The following MET variants were observed in gnomAD, a reference collection of about 807,000 sequenced individuals.
MET encodes hepatocyte growth factor receptor.
A neutral mutation model predicts 133.1 loss-of-function variants in MET; 48 were observed. The observed-to-expected ratio is 0.36, with a 90% CI of 0.29 to 0.46. The LOEUF (loss-of-function observed/expected upper bound fraction) is 0.46, where lower values mean the gene tolerates loss of function less well. Among genes scored for constraint, MET ranks in the 20% least tolerant of loss-of-function variants. The pLI is 1.00. For missense variants in MET, 1,442 were observed against 1,695.9 expected (o/e 0.85, Z 2.63); for synonymous variants, 628 against 616.5 (o/e 1.02, Z -0.28).
chr7:116,698,576 T>G (rs964307818), intron 1 of MET, among the ~76,000 whole-genome samples: 2 of 152,224 alleles, frequency 1.3e-5, no homozygotes, highest in African/African-American at 4.8e-5. Flanking sequence ...GGAAGCTAAA[T>G]TTAGCCTAGT....
intron 5 of MET, among the ~76,000 whole-genome samples, chr7:116,742,931 C>T (rs531565724): frequency 1.3e-5 from 2 of 152,280 alleles, no homozygotes; most frequent in South Asian, 4.1e-4. Context: ...AAGACAGACT[C>T]GAGGTGGGTG....
Position 116,798,134 on chromosome 7 carries a change from G to T in MET, c.*2010G>T. On this transcript the variant is annotated 3_prime_UTR_variant, in exon 21 of 21. Transcript: ENST00000397752. ...AACGCATCAATAGAAAGAACTCGGG[G>T]AAACATCCCATCAACAGGACTACAC... 4.5e-6 allele frequency: 1 copy of T among 219,868 alleles called. No homozygotes were observed. Among genetic ancestry groups the T allele is most frequent in the African/African-American group, 2.2e-5 (1 of 44,658 alleles). 13.6% of individuals were successfully genotyped at this position (219,868 alleles called of 1,614,324 possible).
chr7:116,696,632 C>T (rs1291249936), intron 1 of MET, among the ~76,000 whole-genome samples: 1 of 152,204 alleles, frequency 6.6e-6, no homozygotes, highest in Non-Finnish European at 1.5e-5. Context: ...ATAGATTTCT[C>T]AACTGTGGGT....
At position 116,699,465 on chromosome 7, in the gene MET, T is replaced by A. The variant is rs2116587402; in HGVS notation, c.381T>A (p.Asp127Glu). 3 of 1,614,032 alleles carry A rather than the reference T, an allele frequency of 1.9e-6. No individual in the cohort carries two copies. The highest frequency in any genetic ancestry group is 2.5e-6 in the Non-Finnish European group (3 of 1,179,934). Residue 127 changes from aspartate (D) to glutamate (E), a missense_variant, in exon 2 of 21, where the codon GAT (aspartate) becomes GAA (glutamate). Physicochemically the swap from Asp to Glu is conservative, Grantham distance 45. Around this residue, in one of 6 missense-constraint regions of MET, gnomAD observed 762 missense variants for 792.4 expected, o/e 0.96. Transcript: ENST00000397752. ...NMALVVDTYY[D>E]DQLISCGSVN... is the part of the protein sequence containing the mutation. ...CTCTAGTTGTCGACACCTACTATGA[T>A]GATCAACTCATTAGCTGTGGCAGCG...
chr7:116,680,130 A>C (rs1043940149), intron 1 of MET, among the ~76,000 whole-genome samples: 6 of 152,204 alleles, frequency 3.9e-5, no homozygotes, highest in African/African-American at 1.4e-4. Flanking sequence ...CTTAAAATAG[A>C]GATTCTCTTA....
intron 1 of MET, among the ~76,000 whole-genome samples, chr7:116,674,416 T>G (rs1796080880): frequency 6.6e-6 from 1 of 152,072 alleles, no homozygotes; most frequent in Non-Finnish European, 1.5e-5. Context: ...GCATTAATCT[T>G]GAAATCTTTA....
chr7:116,702,961 T>A (rs2116620767), intron 2 of MET, among the ~76,000 whole-genome samples: 1 of 152,298 alleles, frequency 6.6e-6, no homozygotes, highest in Non-Finnish European at 1.5e-5. Context: ...GGATCACATA[T>A]TTTGTTGCTT....
chr7:116,698,082 T>TA (rs1306906825), intron 1 of MET, among the ~76,000 whole-genome samples: 2 of 151,950 alleles, frequency 1.3e-5, no homozygotes, highest in South Asian at 2.1e-4. Flanking sequence ...TTATGCTATT[T>TA]AAAAAAAAGT....
chr7:116,774,836 T>G (rs375500539), intron 14 of MET, 45 bp from the exon 15 acceptor site: 67 of 1,450,074 alleles, frequency 4.6e-5, no homozygotes, highest in Non-Finnish European at 5.7e-5. Flanking sequence ...CCCCATTAAA[T>G]GAGGTTTTAC....
chr7:116,731,559 A>G, intron 2 of MET, 109 bp from the exon 3 acceptor site: 1 of 1,130,160 alleles, frequency 8.8e-7, no homozygotes, highest in Non-Finnish European at 1.3e-6. Flanking sequence ...TATTTGCATG[A>G]TTATCCTTGC....
At chr7:116,768,547 A>C (rs539814782) in intron 11 of MET, among the ~76,000 whole-genome samples, 67 of 152,338 alleles carry the variant, frequency 4.4e-4, no homozygotes, top group Non-Finnish European at 7.6e-4. Context: ...CTCCAACATC[A>C]GGTTATAAAG....
intron 2 of MET, among the ~76,000 whole-genome samples, chr7:116,729,264 A>G (rs901711970): frequency 2.0e-5 from 3 of 152,344 alleles, no homozygotes; most frequent in Admixed American, 2.0e-4. Context: ...GACCTAAAAC[A>G]TTAGTATTAA....
intron 5 of MET, among the ~76,000 whole-genome samples, chr7:116,751,935 C>T (rs573754983): frequency 6.6e-6 from 1 of 152,058 alleles, no homozygotes; most frequent in Non-Finnish European, 1.5e-5. Flanking sequence ...GTGGCAGGTG[C>T]CTGTAGTACC....
intron 18 of MET, 89 bp from the exon 19 acceptor site, chr7:116,783,215 T>C: frequency 2.0e-6 from 3 of 1,479,520 alleles, no homozygotes; most frequent in Non-Finnish European, 2.8e-6. Context: ...TTTCAAATAC[T>C]GAAGCCACTT....
At chr7:116,701,350 A>G (rs369649529) in intron 2 of MET, among the ~76,000 whole-genome samples, 6 of 152,328 alleles carry the variant, frequency 3.9e-5, no homozygotes, top group African/African-American at 1.4e-4. Flanking sequence ...AAAGGTTATA[A>G]TTGCAATCAG....
At chr7:116,694,371 A>G (rs979897217) in intron 1 of MET, among the ~76,000 whole-genome samples, 2 of 152,168 alleles carry the variant, frequency 1.3e-5, no homozygotes, top group African/African-American at 4.8e-5. Flanking sequence ...AAAAAAGTTA[A>G]CCTTTTTTTG....
chr7:116,682,807 C>G (rs1796410477), intron 1 of MET, among the ~76,000 whole-genome samples: 1 of 152,174 alleles, frequency 6.6e-6, no homozygotes, highest in Admixed American at 6.5e-5. Flanking sequence ...GCAGTGATTC[C>G]AAACTCTCAC....
chr7:116,748,897 TA>T, intron 5 of MET, among the ~76,000 whole-genome samples: 1 of 152,078 alleles, frequency 6.6e-6, no homozygotes, highest in Non-Finnish European at 1.5e-5. Context: ...CTCCCAAGAC[TA>T]AACTAGGAAG....
rs118057172 is a variant in MET, at chr7:116,763,253, T to G, written c.2568T>G (p.Asn856Lys). The change falls in exon 11 of 21, where the codon AAT becomes AAG. Residue 856 changes from asparagine to lysine, a missense_variant. This residue lies in a region of MET where 514 missense variants were observed against 659.6 expected (regional missense o/e 0.78). Transcript: ENST00000397752. ...TGATGATCTCAATGGGCAATGAAAATGTACTGGAAATTAAGGTAAGAAATG... is the reference window on the plus strand; with the variant it reads ...TGATGATCTCAATGGGCAATGAAAAGGTACTGGAAATTAAGGTAAGAAATG... Reference protein sequence around the residue: ...KPVMISMGNENVLEIKGNDID... With the variant: ...KPVMISMGNEKVLEIKGNDID... 6.2e-7 allele frequency: 1 copy of G among 1,613,748 alleles called. No homozygotes were observed.
Sources: gnomAD v4.1 joint callset for allele counts (sites outside exome capture counted in the v4.1 genomes callset) on GRCh38, gnomAD v4.1.1 for gene constraint, gnomAD v4.1.1 regional missense constraint, MANE v1.5 for transcripts, NCBI Gene and HGNC (gene_info 2026-07-23, HGNC 2026-07-21) for gene names.